The following STPG2 variants were observed in gnomAD, a reference collection of about 807,000 sequenced individuals.
STPG2 encodes sperm-tail PG-rich repeat-containing protein 2.
In STPG2, 56 loss-of-function variants were observed where a neutral mutation model predicts 54.2. The observed-to-expected ratio is 1.03, with a 90% CI of 0.83 to 1.29. The LOEUF is 1.29. Ranked by LOEUF, STPG2 falls within the 50% of genes most tolerant of loss-of-function variation. The pLI is 0.00. For missense variants in STPG2, 596 were observed against 544.9 expected, an observed-to-expected ratio of 1.09 and a Z score of -0.93; for synonymous variants, 200 against 181.8, an observed-to-expected ratio of 1.10 and a Z score of -0.81.
At position 98,132,410 on chromosome 4, in the gene STPG2, G is replaced by A. The variant is rs987960992; in HGVS notation, c.222+1937C>T. On this transcript the variant is annotated intron_variant, in intron 2 of 10. Coordinates refer to ENST00000295268, the MANE Select transcript of STPG2 (RefSeq NM_174952.3). Reference sequence around the variant, plus strand: ...ACCTTTACTATTTTAACTAAAAAATGTCATTAACAAGTATAATTTAAAATA... The same window carrying A: ...ACCTTTACTATTTTAACTAAAAAATATCATTAACAAGTATAATTTAAAATA... 2.6e-5 allele frequency among the ~76,000 whole-genome samples: 4 copies of A among 151,892 alleles called. 1 individual carries two copies. Among genetic ancestry groups the A allele is most frequent in the East Asian group, 3.8e-4 (2 of 5,200 alleles).
chr4:97,489,063 T>C (rs1002300097), intron 4 of STPG2, among the ~76,000 whole-genome samples: 1 of 151,630 alleles, frequency 6.6e-6, no homozygotes, highest in Non-Finnish European at 1.5e-5. Flanking sequence ...GCTGTTCTCA[T>C]GATAGTGAAT....
chr4:97,701,192 G>A (rs1723762936), intron 10 of STPG2, among the ~76,000 whole-genome samples: 1 of 152,128 alleles, frequency 6.6e-6, no homozygotes, highest in Non-Finnish European at 1.5e-5. Context: ...CTACCATTCA[G>A]GGAGCCAATG....
intron 3 of STPG2, among the ~76,000 whole-genome samples, chr4:98,109,700 G>C (rs1739291049): frequency 6.6e-6 from 1 of 152,118 alleles, no homozygotes; most frequent in Non-Finnish European, 1.5e-5. Context: ...TAACTAAACA[G>C]ATTGAAAAAA....
chr4:97,792,936 G>T (rs1369606544), intron 9 of STPG2, among the ~76,000 whole-genome samples: 2 of 152,088 alleles, frequency 1.3e-5, no homozygotes, highest in Non-Finnish European at 2.9e-5. Context: ...CAGATTGCAT[G>T]AGGTCAGGAG....
At chr4:97,832,979 T>C (rs1269022124) in intron 9 of STPG2, among the ~76,000 whole-genome samples, 4 of 152,078 alleles carry the variant, frequency 2.6e-5, no homozygotes, top group Admixed American at 1.3e-4. Flanking sequence ...TAAGCTACCA[T>C]TGACTTTCTT....
chr4:97,655,959 C>T (rs72684449), intron 10 of STPG2, among the ~76,000 whole-genome samples: 2,065 of 152,148 alleles, frequency 0.014, 19 homozygotes, highest in Non-Finnish European at 0.02. Context: ...TAAGATGCCA[C>T]ATTTGATAGT....
intron 5 of STPG2, among the ~76,000 whole-genome samples, chr4:97,995,429 C>G (rs1023603683): frequency 2.0e-5 from 3 of 151,906 alleles, no homozygotes; most frequent in African/African-American, 7.3e-5. Flanking sequence ...TCTGTCTGTC[C>G]AAGTGGAAGC....
chr4:98,023,421 G>A (rs56407150), intron 5 of STPG2, among the ~76,000 whole-genome samples: 12 of 152,202 alleles, frequency 7.9e-5, no homozygotes, highest in African/African-American at 1.9e-4. Context: ...GTACTTGGCC[G>A]TGTGAGGTGT....
chr4:97,690,738 T>G (rs1723337847), intron 10 of STPG2, among the ~76,000 whole-genome samples: 1 of 152,194 alleles, frequency 6.6e-6, no homozygotes, highest in Non-Finnish European at 1.5e-5. Context: ...AATATTTCTT[T>G]CTTTCAACTT....
chr4:97,781,559 G>T (rs189828698), intron 9 of STPG2, among the ~76,000 whole-genome samples: 1 of 152,116 alleles, frequency 6.6e-6, no homozygotes, highest in Non-Finnish European at 1.5e-5. Flanking sequence ...AGAAAAAGAA[G>T]AAATCCTCCC....
intron 5 of STPG2, among the ~76,000 whole-genome samples, chr4:97,981,901 T>C (rs1734692074): frequency 1.3e-5 from 2 of 149,630 alleles, no homozygotes; most frequent in Admixed American, 6.7e-5. Context: ...TTTTTTTTTT[T>C]TGAGACGGAG....
At chr4:98,053,654 G>A (rs1480597568) in intron 5 of STPG2, among the ~76,000 whole-genome samples, 3 of 151,984 alleles carry the variant, frequency 2.0e-5, no homozygotes, top group Non-Finnish European at 2.9e-5. Flanking sequence ...CATCAGTTTA[G>A]ATGACCAATA....
At chr4:97,671,925 A>C (rs1336529559) in intron 10 of STPG2, among the ~76,000 whole-genome samples, 2 of 152,092 alleles carry the variant, frequency 1.3e-5, no homozygotes, top group Non-Finnish European at 2.9e-5. Flanking sequence ...TAAAACATTA[A>C]AAAATAAAAA....
Position 97,616,057 on chromosome 4 carries a change from AATATATATATATATATAT to A in STPG2, c.1321-56958_1321-56941del, listed in dbSNP as rs70953077. On this transcript the variant is annotated intron_variant, in intron 10 of 10. Coordinates refer to ENST00000295268, the MANE Select transcript of STPG2 (RefSeq NM_174952.3). ...GTCTCAAAAAAAAAAAATACATATA[AATATATATATATATATAT>A]ATATATATATATATATATATGTATG... 5.6e-3 allele frequency among the ~76,000 whole-genome samples: 210 copies of A among 37,400 alleles called. 7 individuals are homozygous for A. The highest frequency in any genetic ancestry group is 0.017 in the African/African-American group (183 of 11,064). The allele number at this position is 37,400 out of a possible 152,430, so 24.5% of individuals were successfully genotyped here. A position where few individuals can be genotyped will look rare whatever the true frequency, so the allele number is the denominator to read the frequency against.
intron 8 of STPG2, among the ~76,000 whole-genome samples, chr4:97,926,503 C>T (rs1381073771): frequency 6.6e-6 from 1 of 152,132 alleles, no homozygotes; most frequent in Non-Finnish European, 1.5e-5. Flanking sequence ...ACATGCTCCA[C>T]CTATCCTGCT....
Position 97,903,544 on chromosome 4 carries a change from G to A in STPG2, c.1044+40353C>T, listed in dbSNP as rs1578672292. 3.3e-5 allele frequency among the ~76,000 whole-genome samples: 5 copies of A among 152,210 alleles called. 1 individual carries two copies. The highest frequency in any genetic ancestry group is 3.3e-4 in the Admixed American group (5 of 15,288). On this transcript the variant is annotated intron_variant, in intron 8 of 10. Coordinates refer to ENST00000295268, the MANE Select transcript of STPG2 (RefSeq NM_174952.3). ...GAATCAAAAATAAAGCCACAAGACG[G>A]CTATTTTAAAAGACCAATAAAACTC...
rs149419142 is a variant in STPG2, at chr4:97,884,996, A to G, written c.1045-44064T>C. Among the ~76,000 whole-genome samples the G allele has an allele frequency of 1.3e-3, 203 of 152,300 alleles. 4 individuals are homozygous for G. In the East Asian group the frequency reaches 0.034, roughly 25 times the overall value. On this transcript the variant is annotated intron_variant, in intron 8 of 10. Transcript: ENST00000295268. ...GAAAAGCATCCCTACAGACAAAGAT[A>G]GCCTTCTAGGAAAGACATAATTATA...
chr4:98,096,917 G>A (rs751760307), intron 5 of STPG2, among the ~76,000 whole-genome samples: 1 of 151,972 alleles, frequency 6.6e-6, no homozygotes, highest in Non-Finnish European at 1.5e-5. Context: ...AACCTACCAA[G>A]GTTAACCCAC....
At chr4:98,101,643 TG>T (rs11340736) in intron 5 of STPG2, among the ~76,000 whole-genome samples, 2,317 of 152,280 alleles carry the variant, frequency 0.015, 60 homozygotes, top group African/African-American at 0.052. Flanking sequence ...GCGAGAGCTT[TG>T]TAAACAGAAC....
Sources: gnomAD v4.1 joint callset for allele counts (sites outside exome capture counted in the v4.1 genomes callset) on GRCh38, gnomAD v4.1.1 for gene constraint, MANE v1.5 for transcripts, NCBI Gene and HGNC (gene_info 2026-07-23, HGNC 2026-07-21) for gene names.